Variants in PLEKHM3 observed in about 807,000 individuals in gnomAD.
PLEKHM3 encodes the protein pleckstrin homology domain containing M3.
In PLEKHM3, 45 loss-of-function variants were observed where a neutral mutation model predicts 81.8. The ratio of observed to expected loss-of-function variants is 0.55; its 90% confidence interval spans 0.43 to 0.71. The LOEUF is 0.71. PLEKHM3 is among the 30% of genes least tolerant of loss of function. PLEKHM3 has a pLI of 0.00. For missense variants in PLEKHM3, 788 were observed against 924.3 expected (o/e 0.85, Z 1.91); for synonymous variants, 352 against 356.4 (o/e 0.99, Z 0.14).
rs1179109221 is a variant in PLEKHM3, at chr2:207,930,944, G to C, written c.1868C>G (p.Ala623Gly). The C allele has an allele frequency of 2.0e-5, 33 of 1,613,048 alleles. No homozygotes were observed. Among genetic ancestry groups the C allele is most frequent in the African/African-American group, 4.0e-5 (3 of 74,916 alleles). ...AYLFSCRAAV[A>G]EDLRRRIFPR... Reference sequence around the variant, plus strand: ...CTCTTACCTGCGGCGGAGATCCTCTGCCACCGCTGCCCGGCAGCTGAACAA... The same window carrying C: ...CTCTTACCTGCGGCGGAGATCCTCTCCCACCGCTGCCCGGCAGCTGAACAA... Residue 623 changes from alanine (A) to glycine (G), a missense_variant, in exon 5 of 8, where the codon GCA (alanine) becomes GGA (glycine). Coordinates refer to ENST00000427836, the MANE Select transcript of PLEKHM3 (RefSeq NM_001080475.3).
At chr2:207,985,731 A>T (rs1239580570) in intron 2 of PLEKHM3, among the ~76,000 whole-genome samples, 3 of 152,126 alleles carry the variant, frequency 2.0e-5, no homozygotes, top group Non-Finnish European at 2.9e-5. Context: ...TCATGCCTGT[A>T]ATCCCACCAC....
intron 5 of PLEKHM3, among the ~76,000 whole-genome samples, chr2:207,923,637 A>C (rs920719636): frequency 4.0e-5 from 6 of 151,178 alleles, no homozygotes; most frequent in African/African-American, 1.2e-4. Flanking sequence ...AAAGAAAAGA[A>C]AATTATTGAA....
intron 5 of PLEKHM3, among the ~76,000 whole-genome samples, chr2:207,920,032 T>C (rs1398163890): frequency 6.6e-6 from 1 of 152,198 alleles, no homozygotes; most frequent in South Asian, 2.1e-4. Flanking sequence ...ATCTTTATAA[T>C]AGAAATTTCT....
At chr2:207,969,002 CT>C (rs1362831544) in intron 3 of PLEKHM3, among the ~76,000 whole-genome samples, 1 of 152,138 alleles carries the variant, frequency 6.6e-6, no homozygotes, top group Non-Finnish European at 1.5e-5. Flanking sequence ...CTTATTACTT[CT>C]AAGTGGGAGA....
chr2:208,004,243 C>T (rs570163861), intron 1 of PLEKHM3, among the ~76,000 whole-genome samples: 2 of 152,018 alleles, frequency 1.3e-5, no homozygotes, highest in Admixed American at 6.5e-5. Context: ...GGTGAAACCT[C>T]ATCTCTGCTA....
intron 5 of PLEKHM3, among the ~76,000 whole-genome samples, chr2:207,911,099 A>T (rs1164272531): frequency 2.0e-5 from 3 of 152,146 alleles, no homozygotes; most frequent in African/African-American, 7.2e-5. Context: ...GAGATGTAGA[A>T]GACCCAGGGC....
At chr2:207,920,906 G>A (rs1183953212) in intron 5 of PLEKHM3, among the ~76,000 whole-genome samples, 4 of 152,068 alleles carry the variant, frequency 2.6e-5, no homozygotes, top group Non-Finnish European at 5.9e-5. Context: ...GCTTGCCAAC[G>A]AGCACAGGAG....
chr2:207,876,203 TACAG>T lies in PLEKHM3; in HGVS notation c.1951-14945_1951-14942del, dbSNP rs143381341. On this transcript the variant is annotated intron_variant, in intron 6 of 7. Transcript: ENST00000427836. Reference sequence around the variant, plus strand: ...CCTTAGCCTCTTGGGCAGCTAGGACTACAGGTGTGAGCCATTGCACCTGGCTGAT... The same window carrying T: ...CCTTAGCCTCTTGGGCAGCTAGGACTGTGTGAGCCATTGCACCTGGCTGAT... 2.9e-3 allele frequency among the ~76,000 whole-genome samples: 448 copies of T among 152,304 alleles called. 2 individuals are homozygous for T. The highest frequency in any genetic ancestry group is 0.01 in the African/African-American group (426 of 41,574).
chr2:207,851,740 C>CAAAAAAA, intron 7 of PLEKHM3: 1 of 64,302 alleles, frequency 1.6e-5, no homozygotes, highest in Non-Finnish European at 2.9e-5. Context: ...AACTCCATCT[C>CAAAAAAA]AAAAAAAAAA....
intron 2 of PLEKHM3, among the ~76,000 whole-genome samples, chr2:207,979,330 T>C (rs1277205661): frequency 6.6e-6 from 1 of 151,524 alleles, no homozygotes; most frequent in Non-Finnish European, 1.5e-5. Context: ...AGGTCAGGAG[T>C]TCGAGACCAG....
chr2:207,912,638 A>G (rs1993995), intron 5 of PLEKHM3, among the ~76,000 whole-genome samples: 42,749 of 152,062 alleles, frequency 0.28, 6,408 homozygotes, highest in Middle Eastern at 0.38. Context: ...AAAGCACTGA[A>G]GTCAAATATG....
Position 207,825,883 on chromosome 2 carries a change from C to T in PLEKHM3, c.*2436G>A, listed in dbSNP as rs541231145. ...AGTCCTCCTTAGGAGTTCACAGGGA[C>T]TGCTCGTATTTAGCAGGGCCCTCTA... On this transcript the variant is annotated 3_prime_UTR_variant, in exon 8 of 8. Transcript: ENST00000427836. 1.3e-5 allele frequency: 2 copies of T among 152,248 alleles called. No individual in the cohort carries two copies. Among genetic ancestry groups the T allele is most frequent in the South Asian group, 4.1e-4 (2 of 4,826 alleles). 9.4% of individuals were successfully genotyped at this position (152,248 alleles called of 1,614,324 possible).
At chr2:207,968,834 A>T (rs1237042792) in intron 3 of PLEKHM3, among the ~76,000 whole-genome samples, 1 of 152,244 alleles carries the variant, frequency 6.6e-6, no homozygotes, top group Admixed American at 6.5e-5. Flanking sequence ...AAAATGACTT[A>T]GACAATACAA....
Position 207,821,481 on chromosome 2 carries a change from C to T in PLEKHM3, c.*6838G>A, listed in dbSNP as rs953701493. On this transcript the variant is annotated 3_prime_UTR_variant, in exon 8 of 8. Coordinates refer to ENST00000427836, the MANE Select transcript of PLEKHM3 (RefSeq NM_001080475.3). ...AAAATATAGATAAGTTATGCCAAAA[C>T]AAAAGGTAAAATCCAAAAAACAGAA... is the stretch of plus-strand genomic sequence containing the variant. The T allele has an allele frequency of 2.6e-5, 4 of 151,906 alleles. No individual in the cohort carries two copies. Among genetic ancestry groups the T allele is most frequent in the Admixed American group, 2.6e-4 (4 of 15,244 alleles). The allele number at this position is 151,906 out of a possible 1,614,324, so 9.4% of individuals were successfully genotyped here. A position where few individuals can be genotyped will look rare whatever the true frequency, so the allele number is the denominator to read the frequency against.
intron 6 of PLEKHM3, among the ~76,000 whole-genome samples, chr2:207,889,450 C>T (rs1687982448): frequency 1.3e-5 from 1 of 75,094 alleles, no homozygotes; most frequent in African/African-American, 4.1e-5. Flanking sequence ...CACACACACA[C>T]ACACACACAC....
chr2:207,884,582 G>A (rs1297975710), intron 6 of PLEKHM3, among the ~76,000 whole-genome samples: 1 of 152,154 alleles, frequency 6.6e-6, no homozygotes, highest in Non-Finnish European at 1.5e-5. Context: ...CAGAGTTATG[G>A]AAAAGCTTAT....
intron 3 of PLEKHM3, among the ~76,000 whole-genome samples, chr2:207,956,785 G>T (rs1690529714): frequency 7.2e-6 from 1 of 138,724 alleles, no homozygotes; most frequent in African/African-American, 2.7e-5. Context: ...TGCAAGGCTG[G>T]TGTTGAACTC....
intron 7 of PLEKHM3, among the ~76,000 whole-genome samples, chr2:207,858,136 A>ATGTGTGTGTGTGTGTG (rs141449083): frequency 7.9e-6 from 1 of 126,922 alleles, no homozygotes; most frequent in African/African-American, 3.2e-5. Context: ...TCATATAGAT[A>ATGTGTGTGTGTGTGTG]TGTGTGTGTG....
chr2:207,922,013 C>T (rs890408825), intron 5 of PLEKHM3, among the ~76,000 whole-genome samples: 8 of 152,196 alleles, frequency 5.3e-5, no homozygotes, highest in Non-Finnish European at 8.8e-5. Flanking sequence ...AGTAGGATTG[C>T]TGGATCATAT....
Sources: allele counts gnomAD v4.1 joint callset (sites outside exome capture counted in the v4.1 genomes callset), GRCh38; gene constraint gnomAD v4.1.1; transcripts MANE v1.5; gene names NCBI Gene and HGNC (gene_info 2026-07-23, HGNC 2026-07-21).